The following CSMD1 variants were observed in gnomAD, a reference collection of about 807,000 sequenced individuals.
CSMD1 encodes CUB and Sushi multiple domains 1.
A neutral mutation model predicts 417.5 loss-of-function variants in CSMD1; 213 were observed. That is an observed-to-expected ratio of 0.51 (90% CI 0.46 to 0.57). The LOEUF (loss-of-function observed/expected upper bound fraction) is 0.57. Ranked by LOEUF, CSMD1 falls within the 20% of genes least tolerant of loss-of-function variation. The pLI is 0.00. For missense variants in CSMD1, 6,923 were observed against 4,529.7 expected, an observed-to-expected ratio of 1.53 and a Z score of -15.17; for synonymous variants, 2,862 against 1,736.8, an observed-to-expected ratio of 1.65 and a Z score of -16.11.
At chr8:3,828,094 T>C (rs1172617217) in intron 5 of CSMD1, among the ~76,000 whole-genome samples, 1 of 152,202 alleles carries the variant, frequency 6.6e-6, no homozygotes, top group Non-Finnish European at 1.5e-5. Flanking sequence ...AATTACATCC[T>C]ATACAGCATG....
Position 4,449,919 on chromosome 8 carries a change from T to C in CSMD1, c.303-29854A>G, listed in dbSNP as rs76096557. Among the ~76,000 whole-genome samples the C allele has an allele frequency of 9.3e-3, 1,415 of 152,304 alleles. 6 individuals are homozygous for C. The highest frequency in any genetic ancestry group is 0.015 in the Non-Finnish European group (987 of 68,014). On this transcript the variant is annotated intron_variant, in intron 2 of 69. Transcript: ENST00000635120. ...ACATATGTATAAAACCTGGGCACCA[T>C]GCCCAATACACAGAAGATGCTCAAT...
intron 26 of CSMD1, among the ~76,000 whole-genome samples, chr8:3,264,582 A>G (rs1315809605): frequency 1.3e-5 from 2 of 152,212 alleles, no homozygotes; most frequent in Non-Finnish European, 2.9e-5. Context: ...GAGAATAAAT[A>G]TTAACAATCA....
chr8:4,022,872 G>C (rs1385479637), intron 4 of CSMD1, among the ~76,000 whole-genome samples: 1 of 152,226 alleles, frequency 6.6e-6, no homozygotes, highest in Non-Finnish European at 1.5e-5. Flanking sequence ...AATTCACATA[G>C]TTAAGAAGCA....
At chr8:4,166,881 G>T (rs569829870) in intron 3 of CSMD1, among the ~76,000 whole-genome samples, 2 of 152,176 alleles carry the variant, frequency 1.3e-5, no homozygotes, top group African/African-American at 2.4e-5. Flanking sequence ...TATTTAAAAT[G>T]TATTTCCTTA....
At chr8:4,264,885 C>T (rs191103588) in intron 3 of CSMD1, among the ~76,000 whole-genome samples, 3 of 152,146 alleles carry the variant, frequency 2.0e-5, no homozygotes, top group Non-Finnish European at 4.4e-5. Flanking sequence ...GGACGATGAA[C>T]AGAGAAAACA....
At chr8:3,926,934 T>G (rs1282646999) in intron 5 of CSMD1, among the ~76,000 whole-genome samples, 1 of 151,760 alleles carries the variant, frequency 6.6e-6, no homozygotes, top group African/African-American at 2.4e-5. Flanking sequence ...CAGGATGGTC[T>G]CAAACTCCTG....
chr8:3,618,415 C>G (rs1273739816), intron 7 of CSMD1, among the ~76,000 whole-genome samples: 3 of 152,226 alleles, frequency 2.0e-5, no homozygotes, highest in East Asian at 3.9e-4. Flanking sequence ...AAGTACTTCA[C>G]TATTCCAAAC....
chr8:4,465,050 G>A (rs916045997), intron 2 of CSMD1, among the ~76,000 whole-genome samples: 1 of 152,106 alleles, frequency 6.6e-6, no homozygotes, highest in East Asian at 1.9e-4. Context: ...AACACAACAA[G>A]GCCGAGCATT....
intron 41 of CSMD1, among the ~76,000 whole-genome samples, chr8:3,133,127 C>T (rs572942552): frequency 9.2e-5 from 14 of 152,346 alleles, no homozygotes; most frequent in Admixed American, 7.8e-4. Context: ...CCCACTGCAG[C>T]GTGGGCCGGC....
rs1380727476 is a variant in CSMD1, at chr8:3,750,317, T to C, written c.931+3613A>G. ...TTTTAAAATGTTCTTCTCCACTTTA[T>C]ATGTATATATATATCTTATATATAT... On this transcript the variant is annotated intron_variant, in intron 6 of 69. Transcript: ENST00000635120. 2.0e-5 allele frequency among the ~76,000 whole-genome samples: 3 copies of C among 149,936 alleles called. No individual in the cohort carries two copies. The East Asian group carries it at 5.8e-4, about 29-fold the overall frequency.
rs145426981 is a variant in CSMD1, at chr8:4,780,934, G to C, written c.86-143376C>G. On this transcript the variant is annotated intron_variant, in intron 1 of 69. Transcript: ENST00000635120. ...TTGTAATTATTTTTTAAAAGCATAA[G>C]TCTTTATAAGGCTCAAGCAATGACC... Among the ~76,000 whole-genome samples the C allele has an allele frequency of 1.1e-3, 174 of 152,268 alleles. 3 individuals are homozygous for C. Among genetic ancestry groups the C allele is most frequent in the African/African-American group, 4.0e-3 (166 of 41,558 alleles).
chr8:3,526,478 G>A (rs1311736182), intron 10 of CSMD1, among the ~76,000 whole-genome samples: 1 of 152,088 alleles, frequency 6.6e-6, no homozygotes, highest in Non-Finnish European at 1.5e-5. Flanking sequence ...CTATTCTGTA[G>A]AATTTGCTCT....
chr8:4,157,212 G>A (rs142107618), intron 3 of CSMD1, among the ~76,000 whole-genome samples: 8 of 152,270 alleles, frequency 5.3e-5, no homozygotes, highest in Admixed American at 2.0e-4. Flanking sequence ...ACATTTCAGT[G>A]TCCACAGAAG....
chr8:3,282,920 T>C (rs919037003), intron 26 of CSMD1, among the ~76,000 whole-genome samples: 4 of 152,180 alleles, frequency 2.6e-5, no homozygotes, highest in Non-Finnish European at 5.9e-5. Flanking sequence ...TCCACTTGTT[T>C]TATGATGATG....
chr8:4,850,186 C>T (rs1426391419), intron 1 of CSMD1, among the ~76,000 whole-genome samples: 1 of 152,056 alleles, frequency 6.6e-6, no homozygotes, highest in Middle Eastern at 3.2e-3. Context: ...ATATGAAGAT[C>T]ATTAACCTAT....
chr8:4,075,817 T>G (rs1799791805), intron 3 of CSMD1, among the ~76,000 whole-genome samples: 1 of 152,156 alleles, frequency 6.6e-6, no homozygotes, highest in Non-Finnish European at 1.5e-5. Context: ...CCTTCATGGT[T>G]GTCAGAGTGA....
At chr8:4,088,015 C>G (rs1042142742) in intron 3 of CSMD1, among the ~76,000 whole-genome samples, 2 of 152,114 alleles carry the variant, frequency 1.3e-5, no homozygotes, top group Non-Finnish European at 2.9e-5. Flanking sequence ...ATTAGAATAT[C>G]ATTTCTGTGC....
chr8:4,388,607 G>A (rs896044971), intron 3 of CSMD1, among the ~76,000 whole-genome samples: 13 of 152,026 alleles, frequency 8.6e-5, no homozygotes, highest in South Asian at 8.3e-4. Flanking sequence ...AGTGTATACT[G>A]CTCAGGTGGT....
At chr8:4,372,289 G>T (rs892630044) in intron 3 of CSMD1, among the ~76,000 whole-genome samples, 3 of 152,126 alleles carry the variant, frequency 2.0e-5, no homozygotes, top group Non-Finnish European at 4.4e-5. Flanking sequence ...TATTAAGTCT[G>T]TGGGTTAAAT....
Sources: allele counts gnomAD v4.1 joint callset (sites outside exome capture counted in the v4.1 genomes callset), GRCh38; gene constraint gnomAD v4.1.1; transcripts MANE v1.5; gene names NCBI Gene and HGNC (gene_info 2026-07-23, HGNC 2026-07-21).